CTNNA3: variants seen among roughly 807,000 people sequenced by gnomAD.
CTNNA3 encodes the protein catenin alpha-3.
CTNNA3 carries 76 observed loss-of-function variants against 95.7 expected under a neutral mutation model. The observed-to-expected ratio is 0.79, with a 90% CI of 0.66 to 0.96. CTNNA3 has a LOEUF of 0.96. Among genes scored for constraint, CTNNA3 ranks in the 40% least tolerant of loss-of-function variants. CTNNA3 has a pLI of 0.00. For synonymous variants in CTNNA3, 431 were observed against 374.4 expected, an observed-to-expected ratio of 1.15 and a Z score of -1.74; for missense variants, 1,191 against 1,089.8, an observed-to-expected ratio of 1.09 and a Z score of -1.31.
Position 67,437,004 on chromosome 10 carries a change from C to T in CTNNA3, c.579+84838G>A, listed in dbSNP as rs118102884. ...ACCCAGAGGAAAAGAAGTCATTATT[C>T]GAAAAGATACTTGCACATGCATGTT... On this transcript the variant is annotated intron_variant, in intron 5 of 17. Coordinates refer to ENST00000433211, the MANE Select transcript of CTNNA3 (RefSeq NM_013266.4). Among the ~76,000 whole-genome samples, 804 of 152,122 alleles carry T rather than the reference C, an allele frequency of 5.3e-3. 3 individuals carry two copies. Among genetic ancestry groups the T allele is most frequent in the Middle Eastern group, 0.01 (3 of 294 alleles).
intron 15 of CTNNA3, among the ~76,000 whole-genome samples, chr10:66,063,625 A>G (rs890325222): frequency 6.6e-6 from 1 of 151,984 alleles, no homozygotes; most frequent in African/African-American, 2.4e-5. Context: ...TAGTAAGCTT[A>G]CTAAATCTAA....
At chr10:66,594,397 A>C (rs1186908100) in intron 10 of CTNNA3, among the ~76,000 whole-genome samples, 2 of 152,122 alleles carry the variant, frequency 1.3e-5, no homozygotes, top group Non-Finnish European at 2.9e-5. Context: ...TACAGCCATC[A>C]TGGATCTGAT....
intron 7 of CTNNA3, among the ~76,000 whole-genome samples, chr10:67,174,433 G>C (rs545021726): frequency 2.0e-5 from 3 of 152,044 alleles, no homozygotes; most frequent in Non-Finnish European, 4.4e-5. Context: ...CCAGATCTAC[G>C]TGACACCAAA....
intron 1 of CTNNA3, among the ~76,000 whole-genome samples, chr10:67,692,757 A>AAAAAAC: frequency 6.6e-6 from 1 of 150,560 alleles, no homozygotes; most frequent in Non-Finnish European, 1.5e-5. Flanking sequence ...AAAAAAAAAA[A>AAAAAAC]AGTCTTGCTA....
chr10:65,964,825 A>G (rs1041264140), intron 17 of CTNNA3, among the ~76,000 whole-genome samples: 2 of 152,206 alleles, frequency 1.3e-5, no homozygotes, highest in Non-Finnish European at 2.9e-5. Context: ...GATGTTTAAT[A>G]AGCCAAAAGG....
chr10:67,107,218 A>G (rs1213767093), intron 7 of CTNNA3, among the ~76,000 whole-genome samples: 3 of 152,188 alleles, frequency 2.0e-5, no homozygotes, highest in Non-Finnish European at 4.4e-5. Flanking sequence ...ACCAGGCTCA[A>G]TTTTTGTCCT....
At chr10:67,478,292 C>A (rs1848093705) in intron 5 of CTNNA3, among the ~76,000 whole-genome samples, 1 of 152,084 alleles carries the variant, frequency 6.6e-6, no homozygotes. Context: ...TTTGCCTAAT[C>A]ATGCTAGAGA....
intron 10 of CTNNA3, among the ~76,000 whole-genome samples, chr10:66,530,194 T>C (rs1422245601): frequency 6.6e-6 from 1 of 152,200 alleles, no homozygotes; most frequent in Non-Finnish European, 1.5e-5. Context: ...ATGATTTATA[T>C]GTAGTATCTA....
rs74714855 is a variant in CTNNA3 at position 66,757,030 on chromosome 10, T to C, written c.1281+9234A>G. Among the ~76,000 whole-genome samples, 577 of 152,318 alleles carry C rather than the reference T, an allele frequency of 3.8e-3. 9 individuals carry two copies. Among genetic ancestry groups the C allele is most frequent in the East Asian group, 0.026 (134 of 5,176 alleles). On this transcript the variant is annotated intron_variant, in intron 9 of 17. Coordinates refer to ENST00000433211, the MANE Select transcript of CTNNA3 (RefSeq NM_013266.4). ...AAACAGGCTTTTACATTGAAATCCA[T>C]ATTTCTTAGTTCTTTTGAGAAATGT... is the stretch of plus-strand genomic sequence containing the variant.
chr10:67,713,790 T>C (rs1841126503), intron 1 of CTNNA3, among the ~76,000 whole-genome samples: 1 of 151,702 alleles, frequency 6.6e-6, no homozygotes, highest in African/African-American at 2.4e-5. Flanking sequence ...TGTCGGGGGA[T>C]GGGAGGAAAG....
At chr10:67,126,387 C>T (rs1306297635) in intron 7 of CTNNA3, among the ~76,000 whole-genome samples, 1 of 152,100 alleles carries the variant, frequency 6.6e-6, no homozygotes, top group Non-Finnish European at 1.5e-5. Flanking sequence ...GTCAGCTGGG[C>T]GTGGCGGCGC....
Position 66,529,211 on chromosome 10 carries a change from C to T in CTNNA3, c.1375-8438G>A, listed in dbSNP as rs536776453. Among the ~76,000 whole-genome samples the T allele has an allele frequency of 1.2e-3, 186 of 152,152 alleles. 1 individual carries two copies. Among genetic ancestry groups the T allele is most frequent in the African/African-American group, 4.2e-3 (175 of 41,530 alleles). ...TGGTGCGATCTTGGCTCACTGCAAC[C>T]TCCACCTCCCAGATTCAAGCAATTC... On this transcript the variant is annotated intron_variant, in intron 10 of 17. Coordinates refer to ENST00000433211, the MANE Select transcript of CTNNA3 (RefSeq NM_013266.4).
At chr10:66,341,033 T>C (rs759059627) in intron 12 of CTNNA3, among the ~76,000 whole-genome samples, 11 of 151,894 alleles carry the variant, frequency 7.2e-5, no homozygotes, top group Non-Finnish European at 1.5e-4. Flanking sequence ...GTCTTTATAA[T>C]GGGCAAGTGG....
At chr10:66,877,017 G>C (rs1844651547) in intron 7 of CTNNA3, among the ~76,000 whole-genome samples, 1 of 152,054 alleles carries the variant, frequency 6.6e-6, no homozygotes, top group East Asian at 1.9e-4. Context: ...ATTGCTCTCT[G>C]CCTTTCTCTG....
chr10:67,600,239 G>A (rs1195443283), intron 3 of CTNNA3, among the ~76,000 whole-genome samples: 2 of 152,032 alleles, frequency 1.3e-5, no homozygotes, highest in East Asian at 3.8e-4. Context: ...TTCCCAGGTA[G>A]ATTATAAAAC....
chr10:66,515,124 T>C (rs1350268149), intron 11 of CTNNA3, among the ~76,000 whole-genome samples: 1 of 152,078 alleles, frequency 6.6e-6, no homozygotes, highest in East Asian at 1.9e-4. Context: ...TAGTTTAAAG[T>C]CTAAGAGTCC....
intron 16 of CTNNA3, among the ~76,000 whole-genome samples, chr10:65,985,288 T>G (rs2133315180): frequency 6.6e-6 from 1 of 151,080 alleles, no homozygotes; most frequent in African/African-American, 2.4e-5. Flanking sequence ...CAAAAGGAAA[T>G]AAATATGTAC....
At chr10:66,650,487 C>A (rs1845855159) in intron 9 of CTNNA3, among the ~76,000 whole-genome samples, 1 of 152,114 alleles carries the variant, frequency 6.6e-6, no homozygotes, top group South Asian at 2.1e-4. Flanking sequence ...AAGAGAGACA[C>A]AAAACAGCAA....
intron 10 of CTNNA3, among the ~76,000 whole-genome samples, chr10:66,556,837 T>C (rs151277379): frequency 1.3e-5 from 2 of 152,146 alleles, no homozygotes; most frequent in African/African-American, 4.8e-5. Context: ...TACTCTTTTA[T>C]ACCAAAAATT....
Sources: gnomAD v4.1 joint callset for allele counts (sites outside exome capture counted in the v4.1 genomes callset) on GRCh38, gnomAD v4.1.1 for gene constraint, MANE v1.5 for transcripts, NCBI Gene and HGNC (gene_info 2026-07-23, HGNC 2026-07-21) for gene names.